Variants in GABRG3 observed in about 807,000 individuals in gnomAD.
GABRG3 encodes the protein gamma-aminobutyric acid receptor subunit gamma-3.
GABRG3 carries 25 observed loss-of-function variants against 48.8 expected under a neutral mutation model. The observed-to-expected ratio is 0.51, with a 90% confidence interval of 0.37 to 0.72. The LOEUF (loss-of-function observed/expected upper bound fraction) is 0.72. Among genes scored for constraint, GABRG3 ranks in the 30% least tolerant of loss-of-function variants. The probability of loss-of-function intolerance (pLI) is 0.00; values close to 1 mark genes in which losing one functional copy is unlikely to be tolerated. For missense variants in GABRG3, 394 were observed against 577.9 expected (o/e 0.68, Z 3.26); for synonymous variants, 227 against 217.6 (o/e 1.04, Z -0.38).
At chr15:26,980,406 G>A (rs533762434) in intron 2 of GABRG3, among the ~76,000 whole-genome samples, 41 of 151,824 alleles carry the variant, frequency 2.7e-4, no homozygotes, top group African/African-American at 9.4e-4. Context: ...GGCCGGGTGC[G>A]GTGGCTCATG....
At chr15:27,145,792 C>CA (rs1477996796) in intron 3 of GABRG3, among the ~76,000 whole-genome samples, 1 of 152,026 alleles carries the variant, frequency 6.6e-6, no homozygotes, top group Non-Finnish European at 1.5e-5. Flanking sequence ...AGGAAAAACT[C>CA]AGAGATTCAT....
rs201628468 is a variant in GABRG3, at chr15:27,305,550, CAT to C, written c.271-21257_271-21256del. Among the ~76,000 whole-genome samples the C allele has an allele frequency of 6.2e-3, 871 of 140,872 alleles. 6 individuals are homozygous for C. The highest frequency in any genetic ancestry group is 0.021 in the African/African-American group (813 of 38,918). The allele number at this position is 140,872 out of a possible 152,430, so 92.4% of individuals were successfully genotyped here. On this transcript the variant is annotated intron_variant, in intron 3 of 9. Transcript: ENST00000615808. Reference sequence around the variant, plus strand: ...ATATAAACCTATGTTTATATATAAACATAATATAAACCTACGTGTTTATATAT... The same window carrying C: ...ATATAAACCTATGTTTATATATAAACAATATAAACCTACGTGTTTATATAT...
intron 3 of GABRG3, among the ~76,000 whole-genome samples, chr15:27,225,427 T>C (rs897175): frequency 0.16 from 24,831 of 152,064 alleles, 2,699 homozygotes; most frequent in East Asian, 0.41. Flanking sequence ...AGATTTTACT[T>C]ACAAGGGTGG....
chr15:27,107,275 C>T (rs1023812556), intron 3 of GABRG3, among the ~76,000 whole-genome samples: 18 of 151,894 alleles, frequency 1.2e-4, no homozygotes, highest in Non-Finnish European at 5.9e-5. Context: ...AATGAGTGTT[C>T]AGTGTTGTCA....
chr15:27,153,678 A>G (rs747221439), intron 3 of GABRG3, among the ~76,000 whole-genome samples: 1 of 151,950 alleles, frequency 6.6e-6, no homozygotes, highest in African/African-American at 2.4e-5. Flanking sequence ...TTCAACATAT[A>G]TCTTCTCAAC....
At chr15:27,335,564 C>T (rs1245863671) in intron 5 of GABRG3, among the ~76,000 whole-genome samples, 1 of 151,962 alleles carries the variant, frequency 6.6e-6, no homozygotes, top group Non-Finnish European at 1.5e-5. Flanking sequence ...TCATTTAAGT[C>T]AAATAAGGCC....
chr15:27,518,217 GAATT>G (rs1168850577), intron 6 of GABRG3, among the ~76,000 whole-genome samples: 2 of 106,354 alleles, frequency 1.9e-5, no homozygotes, highest in South Asian at 3.1e-4. Flanking sequence ...AAAAAAAAAA[GAATT>G]AGCCAGACGT....
intron 5 of GABRG3, among the ~76,000 whole-genome samples, chr15:27,468,554 A>G (rs1215932556): frequency 6.6e-6 from 1 of 152,214 alleles, no homozygotes; most frequent in Non-Finnish European, 1.5e-5. Context: ...ATCAGCTCAT[A>G]GCATCTGCAG....
At chr15:27,409,835 T>G (rs72705743) in intron 5 of GABRG3, among the ~76,000 whole-genome samples, 7,096 of 152,254 alleles carry the variant, frequency 0.047, 291 homozygotes, top group South Asian at 0.19. Flanking sequence ...AGGAGTTAGT[T>G]TTTTTACATA....
At chr15:27,469,126 T>C (rs1475530328) in intron 5 of GABRG3, among the ~76,000 whole-genome samples, 1 of 152,220 alleles carries the variant, frequency 6.6e-6, no homozygotes, top group East Asian at 1.9e-4. Flanking sequence ...AGGGGACTGC[T>C]GTGCTTCATT....
At chr15:27,176,982 G>A (rs942226916) in intron 3 of GABRG3, among the ~76,000 whole-genome samples, 2 of 152,194 alleles carry the variant, frequency 1.3e-5, no homozygotes, top group Non-Finnish European at 2.9e-5. Flanking sequence ...TGTTGCAATA[G>A]AGAGAAAGAG....
chr15:27,063,252 CG>C (rs1896681992), intron 3 of GABRG3, among the ~76,000 whole-genome samples: 1 of 152,194 alleles, frequency 6.6e-6, no homozygotes, highest in Admixed American at 6.5e-5. Context: ...GGAGTGTCTT[CG>C]GGTGGACGTT....
At chr15:27,200,148 G>C (rs1337289216) in intron 3 of GABRG3, among the ~76,000 whole-genome samples, 1 of 152,140 alleles carries the variant, frequency 6.6e-6, no homozygotes, top group African/African-American at 2.4e-5. Context: ...TTGTTTACCA[G>C]CTGCTCTGTG....
chr15:27,041,946 A>C (rs1312307865), intron 3 of GABRG3, among the ~76,000 whole-genome samples: 1 of 152,206 alleles, frequency 6.6e-6, no homozygotes, highest in African/African-American at 2.4e-5. Context: ...GTCTTCATGC[A>C]GATGAAGGAA....
At chr15:27,224,708 G>A (rs60290535) in intron 3 of GABRG3, among the ~76,000 whole-genome samples, 2,266 of 152,306 alleles carry the variant, frequency 0.015, 56 homozygotes, top group African/African-American at 0.052. Flanking sequence ...AAGATGGAAA[G>A]GTTAAGAAGT....
chr15:27,068,534 A>T (rs1429453285), intron 3 of GABRG3, among the ~76,000 whole-genome samples: 1 of 152,266 alleles, frequency 6.6e-6, no homozygotes, highest in African/African-American at 2.4e-5. Context: ...ATGTTTCTTC[A>T]GCATCCTCTG....
In GABRG3 at chr15:27,083,156, C is replaced by G. The variant is rs996671364; in HGVS notation, c.270+56335C>G. ...GCTTGTTAGCATAACACAAATGAGG[C>G]AGGGAAAAATAGAGGCAGTTTTTAT... On this transcript the variant is annotated intron_variant, in intron 3 of 9. Transcript: ENST00000615808. 4.6e-5 allele frequency among the ~76,000 whole-genome samples: 7 copies of G among 152,070 alleles called. No homozygotes were observed. The South Asian group carries it at 6.2e-4, about 14-fold the overall frequency.
intron 5 of GABRG3, among the ~76,000 whole-genome samples, chr15:27,355,970 G>A (rs1036184062): frequency 1.3e-5 from 2 of 152,140 alleles, no homozygotes; most frequent in African/African-American, 4.8e-5. Context: ...GGGGAATGGG[G>A]AATGATACCT....
At chr15:27,398,480 G>T (rs1258842030) in intron 5 of GABRG3, among the ~76,000 whole-genome samples, 1 of 152,130 alleles carries the variant, frequency 6.6e-6, no homozygotes, top group Non-Finnish European at 1.5e-5. Context: ...TGTGCAAATT[G>T]TGAAAAGTCC....
Sources: allele counts gnomAD v4.1 joint callset (sites outside exome capture counted in the v4.1 genomes callset), GRCh38; gene constraint gnomAD v4.1.1; transcripts MANE v1.5; gene names NCBI Gene and HGNC (gene_info 2026-07-23, HGNC 2026-07-21).